DPP4: variants seen among roughly 807,000 people sequenced by gnomAD.
DPP4 encodes the protein dipeptidyl peptidase 4.
A neutral mutation model predicts 122.4 loss-of-function variants in DPP4; 93 were observed. That is an observed-to-expected ratio of 0.76 (90% CI 0.64 to 0.90). The LOEUF is 0.90. DPP4 is among the 40% of genes least tolerant of loss of function. DPP4 has a pLI of 0.00. For synonymous variants in DPP4, 321 were observed against 302.9 expected (o/e 1.06, Z -0.62); for missense variants, 914 against 907.3 (o/e 1.01, Z -0.09).
intron 23 of DPP4, among the ~76,000 whole-genome samples, chr2:161,999,896 T>C (rs1007746585): frequency 2.0e-5 from 3 of 152,174 alleles, no homozygotes; most frequent in African/African-American, 7.2e-5. Flanking sequence ...AATAACCCTG[T>C]GAGGTAGGTC....
intron 19 of DPP4, 44 bp downstream of exon 19, chr2:162,014,352 A>G (rs200037540): frequency 2.1e-5 from 31 of 1,505,962 alleles, no homozygotes; most frequent in Admixed American, 3.6e-5. Flanking sequence ...AAAAATATAT[A>G]TGACTCAATA....
intron 2 of DPP4, among the ~76,000 whole-genome samples, chr2:162,071,996 C>A (rs559312829): frequency 7.9e-5 from 12 of 152,280 alleles, no homozygotes; most frequent in African/African-American, 2.9e-4. Flanking sequence ...GAGAAACATA[C>A]AGATTATTTC....
rs1282145872 is a variant in DPP4 at position 161,993,394 on chromosome 2, GAAAGA to G, written c.2200-15_2200-11del. 6.3e-7 allele frequency: 1 copy of G among 1,583,192 alleles called. No individual in the cohort carries two copies. ...CTTCATCAGTATACCACTAGAGAGA[GAAAGA>G]AAAGAAGTTAGAATTAGGAAGTCAG... On this transcript the variant is annotated splice_polypyrimidine_tract_variant and intron_variant, in intron 25 of 25. Coordinates refer to ENST00000360534, the MANE Select transcript of DPP4 (RefSeq NM_001935.4).
In DPP4 at chr2:161,993,449, G is replaced by A. The variant is rs1044201228; in HGVS notation, c.2200-65C>T. On this transcript the variant is annotated intron_variant, in intron 25 of 25. Transcript: ENST00000360534. ...GTACTCTTCTTAAAAAAAAAAATAC[G>A]TAAATTCAAATGAGCTCTCACGAGC... is the stretch of plus-strand genomic sequence containing the variant. 2.1e-5 allele frequency: 24 copies of A among 1,119,630 alleles called. No homozygotes were observed. In the African/African-American group the frequency reaches 2.5e-4, roughly 12 times the overall value. The allele number at this position is 1,119,630 out of a possible 1,614,324, so 69.4% of individuals were successfully genotyped here.
At chr2:161,996,064 C>T (rs566367285) in intron 23 of DPP4, among the ~76,000 whole-genome samples, 9 of 151,598 alleles carry the variant, frequency 5.9e-5, no homozygotes, top group Non-Finnish European at 1.2e-4. Flanking sequence ...CCCAAATTAG[C>T]CAAGAAATAG....
chr2:162,033,240 C>T (rs1188374134), intron 10 of DPP4, among the ~76,000 whole-genome samples: 1 of 152,150 alleles, frequency 6.6e-6, no homozygotes, highest in African/African-American at 2.4e-5. Context: ...TTTATTGCTA[C>T]CTGGCATATT....
At chr2:162,068,264 C>T (rs1351818516) in intron 2 of DPP4, among the ~76,000 whole-genome samples, 13 of 152,106 alleles carry the variant, frequency 8.5e-5, no homozygotes, top group South Asian at 2.1e-4. Context: ...ATTATAATAT[C>T]GCTATGCAAA....
At chr2:162,049,280 C>T (rs192178145) in intron 2 of DPP4, among the ~76,000 whole-genome samples, 6 of 152,246 alleles carry the variant, frequency 3.9e-5, no homozygotes, top group Admixed American at 2.0e-4. Context: ...ACATACACCA[C>T]GGAATACTAT....
chr2:162,053,864 G>T (rs1391898063), intron 2 of DPP4, among the ~76,000 whole-genome samples: 2 of 152,246 alleles, frequency 1.3e-5, no homozygotes, highest in African/African-American at 4.8e-5. Flanking sequence ...AGCTACTGCA[G>T]AGTCCCAGCT....
intron 10 of DPP4, among the ~76,000 whole-genome samples, chr2:162,027,863 G>A (rs945448640): frequency 2.0e-5 from 3 of 152,018 alleles, no homozygotes; most frequent in Non-Finnish European, 4.4e-5. Flanking sequence ...CAGATCAAAG[G>A]TTTATGGTCC....
intron 2 of DPP4, among the ~76,000 whole-genome samples, chr2:162,047,886 A>G (rs1040257601): frequency 6.6e-6 from 1 of 152,204 alleles, no homozygotes; most frequent in Non-Finnish European, 1.5e-5. Context: ...CCAAAATATC[A>G]TTTTGCCATG....
chr2:162,072,212 A>G (rs1287671502), intron 2 of DPP4, among the ~76,000 whole-genome samples: 1 of 152,214 alleles, frequency 6.6e-6, no homozygotes, highest in African/African-American at 2.4e-5. Context: ...ATATTTATCA[A>G]TTGTATGACT....
intron 2 of DPP4, among the ~76,000 whole-genome samples, chr2:162,054,591 A>G (rs1230381183): frequency 2.0e-5 from 3 of 152,164 alleles, no homozygotes; most frequent in African/African-American, 7.2e-5. Context: ...CTCCCCACTC[A>G]TGAATGGTTA....
intron 10 of DPP4, among the ~76,000 whole-genome samples, chr2:162,029,601 G>T (rs573567219): frequency 2.0e-5 from 3 of 152,230 alleles, no homozygotes; most frequent in Non-Finnish European, 4.4e-5. Flanking sequence ...GTGACAATCT[G>T]AGGCTTTGAT....
chr2:162,052,536 G>C (rs999343900), intron 2 of DPP4, among the ~76,000 whole-genome samples: 2 of 152,016 alleles, frequency 1.3e-5, no homozygotes, highest in Non-Finnish European at 2.9e-5. Flanking sequence ...TTCTTTAAAG[G>C]TTACCCATTC....
At chr2:162,047,149 C>T (rs1684212014) in intron 3 of DPP4, 143 bp from the exon 4 acceptor site, 8 of 553,384 alleles carry the variant, frequency 1.4e-5, no homozygotes, top group South Asian at 1.1e-4. Context: ...ATTATACTAA[C>T]ATTCATTCAT....
At chr2:162,063,870 C>T (rs1319630738) in intron 2 of DPP4, among the ~76,000 whole-genome samples, 1 of 152,088 alleles carries the variant, frequency 6.6e-6, no homozygotes, top group Non-Finnish European at 1.5e-5. Flanking sequence ...ATATGAGACA[C>T]TACTGTATGT....
intron 2 of DPP4, among the ~76,000 whole-genome samples, chr2:162,072,288 G>T (rs1165003434): frequency 6.6e-6 from 1 of 152,164 alleles, no homozygotes; most frequent in Non-Finnish European, 1.5e-5. Context: ...TATGAAAATA[G>T]TTATATTTTA....
At chr2:162,020,855 T>C (rs946962643) in intron 12 of DPP4, among the ~76,000 whole-genome samples, 167 bp from the exon 13 acceptor site, 4 of 152,204 alleles carry the variant, frequency 2.6e-5, no homozygotes, top group Non-Finnish European at 5.9e-5. Context: ...TTCTATAAAA[T>C]GTGAACAAAA....
Sources: gnomAD v4.1 joint callset for allele counts (sites outside exome capture counted in the v4.1 genomes callset) on GRCh38, gnomAD v4.1.1 for gene constraint, MANE v1.5 for transcripts, NCBI Gene and HGNC (gene_info 2026-07-23, HGNC 2026-07-21) for gene names.